Variants in ADCY9 observed in about 807,000 individuals in gnomAD.
The protein encoded by ADCY9 is adenylate cyclase type 9.
Under a neutral mutation model 101.5 loss-of-function variants are expected in ADCY9, and 50 were observed. That is an observed-to-expected ratio of 0.49 (90% CI 0.39 to 0.62). The LOEUF is 0.62. Ranked by LOEUF, ADCY9 falls within the 20% of genes least tolerant of loss-of-function variation. The pLI is 0.00. For synonymous variants in ADCY9, 905 were observed against 769.3 expected, an observed-to-expected ratio of 1.18 and a Z score of -2.92; for missense variants, 1,662 against 1,800.4, an observed-to-expected ratio of 0.92 and a Z score of 1.39.
chr16:3,999,871 A>G (rs2056317876), intron 3 of ADCY9, among the ~76,000 whole-genome samples: 1 of 152,360 alleles, frequency 6.6e-6, no homozygotes, highest in East Asian at 1.9e-4. Flanking sequence ...AATATATGGC[A>G]CAAAGCTATA....
intron 3 of ADCY9, among the ~76,000 whole-genome samples, chr16:4,004,272 A>AC (rs2056352159): frequency 6.6e-6 from 1 of 150,900 alleles, no homozygotes; most frequent in Non-Finnish European, 1.5e-5. Context: ...AAAAAAAAAA[A>AC]AGAAGCCAAC....
intron 3 of ADCY9, 122 bp downstream of exon 3, chr16:4,007,246 C>T (rs1391769757): frequency 5.0e-6 from 4 of 802,506 alleles, no homozygotes; most frequent in Non-Finnish European, 7.2e-6. Context: ...TCGTGAAAAC[C>T]AAATCGAAGG....
rs1310659602 is a variant in ADCY9 at position 3,977,558 on chromosome 16, A to G, written c.2752T>C (p.Trp918Arg). The change falls in exon 9 of 11, where the codon TGG becomes CGG. Residue 918 changes from tryptophan (W) to arginine (R), a missense_variant. Physicochemically the swap from Trp to Arg is moderately radical, Grantham distance 101. Transcript: ENST00000294016. ...HYCNFCQLSSWMRSSLATVVG... is the reference protein window; with the variant it reads ...HYCNFCQLSSRMRSSLATVVG... ...ACGGTGGCGAGGGAGGACCTCATCC[A>G]GGAGCTGAGCTGGCAGAAGTTACAG... is the stretch of plus-strand genomic sequence containing the variant. 3 of 1,609,176 alleles carry G rather than the reference A, an allele frequency of 1.9e-6. No homozygotes were observed. In the African/African-American group the frequency reaches 4.0e-5, roughly 21 times the overall value.
At chr16:4,090,299 G>A (rs1024884276) in intron 2 of ADCY9, among the ~76,000 whole-genome samples, 1 of 152,096 alleles carries the variant, frequency 6.6e-6, no homozygotes, top group Non-Finnish European at 1.5e-5. Context: ...AGGATGAACA[G>A]ATTTTTTTTC....
At chr16:4,110,611 A>G (rs1388097770) in intron 2 of ADCY9, among the ~76,000 whole-genome samples, 1 of 152,124 alleles carries the variant, frequency 6.6e-6, no homozygotes, top group Non-Finnish European at 1.5e-5. Flanking sequence ...ACTGGTCTCC[A>G]ACTCATGACC....
intron 2 of ADCY9, among the ~76,000 whole-genome samples, chr16:4,088,228 C>T (rs1401628757): frequency 6.6e-6 from 1 of 152,060 alleles, no homozygotes; most frequent in Admixed American, 6.6e-5. Flanking sequence ...GTCTCATGGT[C>T]AGCATGAATC....
rs2055997328 is a variant in ADCY9 at position 3,966,491 on chromosome 16, C to A, written c.3346G>T (p.Ala1116Ser). 1 of 1,614,050 alleles carries A rather than the reference C, an allele frequency of 6.2e-7. No individual in the cohort carries two copies. Among genetic ancestry groups the A allele is most frequent in the Admixed American group, 1.7e-5 (1 of 59,998 alleles). The change falls in exon 11 of 11, where the codon GCG becomes TCG. Residue 1116 changes from alanine (A) to serine (S), a missense_variant. By Grantham distance (99) the Ala-to-Ser change is moderately conservative. Around this residue, in one of 5 missense-constraint regions of ADCY9, gnomAD observed 220 missense variants for 312.9 expected, o/e 0.70. Transcript: ENST00000294016. ...TGCGCGGTGTTCAGCCCTGACGCCG[C>A]CATGTACGTGGCTCCGATGGTCTTG... Reference protein sequence around the residue: ...KIKTIGATYMAASGLNTAQAQ... With the variant: ...KIKTIGATYMSASGLNTAQAQ...
chr16:4,114,236 A>G lies in ADCY9; in HGVS notation c.1207T>C (p.Phe403Leu). 1 of 1,613,968 alleles carries G rather than the reference A, an allele frequency of 6.2e-7. No homozygotes were observed. The highest frequency in any genetic ancestry group is 8.5e-7 in the Non-Finnish European group (1 of 1,180,036). The change falls in exon 2 of 11, where the codon TTC becomes CTC. Residue 403 changes from phenylalanine (F) to leucine (L), a missense_variant. Phe to Leu is a conservative substitution (Grantham distance 22, BLOSUM62 0). This residue lies in a region of ADCY9 where 228 missense variants were observed against 301.1 expected (regional missense o/e 0.76). Transcript: ENST00000294016. The surrounding 1 kb of genome is among the most constrained non-coding windows in gnomAD (Gnocchi z 4.3). ...GACTTGTTGGCACTCATCTTGGTGA[A>G]GCCCACGATATCTGCAAATAAAATA... Reference protein sequence around the residue: ...VSILFADIVGFTKMSANKSAH... With the variant: ...VSILFADIVGLTKMSANKSAH...
downstream of ADCY9, among the ~76,000 whole-genome samples, chr16:3,959,676 C>A (rs867019015): frequency 2.5e-4 from 38 of 152,148 alleles, no homozygotes; most frequent in African/African-American, 8.7e-4. Flanking sequence ...AGCAGCTCTT[C>A]AAATATATTT....
intron 2 of ADCY9, among the ~76,000 whole-genome samples, chr16:4,078,588 T>C (rs1044580362): frequency 1.2e-4 from 17 of 138,942 alleles, no homozygotes; most frequent in South Asian, 7.2e-4. Context: ...AACAAAAACA[T>C]AAAAGTATTA....
In ADCY9 at chr16:3,987,232, T is replaced by C. The variant is rs116738199; in HGVS notation, c.2310+1762A>G. ...GCACTCGCAGACCTCCAGCTCCGGA[T>C]GTTGTTTCTAATTCCTGCTCCCCAT... On this transcript the variant is annotated intron_variant, in intron 6 of 10. Coordinates refer to ENST00000294016, the MANE Select transcript of ADCY9 (RefSeq NM_001116.4). Among the ~76,000 whole-genome samples, 1,062 of 152,266 alleles carry C rather than the reference T, an allele frequency of 7.0e-3. 14 individuals carry two copies. Among genetic ancestry groups the C allele is most frequent in the African/African-American group, 0.025 (1,021 of 41,566 alleles).
chr16:3,983,092 G>A (rs2056157924), intron 7 of ADCY9, 140 bp downstream of exon 7: 2 of 800,274 alleles, frequency 2.5e-6, no homozygotes, highest in African/African-American at 1.7e-5. Flanking sequence ...GGCTCGGGGA[G>A]GACACGGGGA....
intron 10 of ADCY9, among the ~76,000 whole-genome samples, chr16:3,967,909 GCTGGTCTCAAACTC>G (rs1223634292): frequency 6.6e-6 from 1 of 151,846 alleles, no homozygotes; most frequent in African/African-American, 2.4e-5. Context: ...TGTTGGCCAG[GCTGGTCTCAAACTC>G]CTGATCTCAA....
rs565530412 is a variant in ADCY9 at position 4,113,834 on chromosome 16, T to C, written c.1609A>G (p.Lys537Glu). 3.3e-5 allele frequency: 53 copies of C among 1,614,182 alleles called. No homozygotes were observed. In the South Asian group the frequency reaches 5.7e-4, roughly 17 times the overall value. ...ATTTCGTACCGGTCATCTAAGTATT[T>C]TGCGGTGGCCTCAGAAATGTGAACT... ...GKVHISEATA[K>E]YLDDRYEMED... Residue 537 changes from lysine to glutamate, a missense_variant, in exon 2 of 11, where the codon AAA (lysine) becomes GAA (glutamate). Transcript: ENST00000294016.
intron 2 of ADCY9, among the ~76,000 whole-genome samples, chr16:4,109,313 T>G (rs1350978083): frequency 6.6e-6 from 1 of 152,202 alleles, no homozygotes; most frequent in Non-Finnish European, 1.5e-5. Flanking sequence ...CTCTGCAACC[T>G]CGACCTCGTG....
intron 2 of ADCY9, among the ~76,000 whole-genome samples, chr16:4,014,746 C>A (rs1412654222): frequency 2.0e-5 from 3 of 150,182 alleles, no homozygotes; most frequent in African/African-American, 7.4e-5. Context: ...CCACACCCAG[C>A]CAGAAAATAA....
In ADCY9 at chr16:4,041,530, A is replaced by AAG. The variant is rs1173372401; in HGVS notation, c.1694-33973_1694-33972insCT. ...CCAAAAAAAAAAAAAAAAAAAAAAG[A>AAG]GGCTCTTTCTAAACTTTTAAATCTA... is the stretch of plus-strand genomic sequence containing the variant. On this transcript the variant is annotated intron_variant, in intron 2 of 10. Coordinates refer to ENST00000294016, the MANE Select transcript of ADCY9 (RefSeq NM_001116.4). Among the ~76,000 whole-genome samples, 83 of 121,118 alleles carry AAG rather than the reference A, an allele frequency of 6.9e-4. 1 individual carries two copies. Among genetic ancestry groups the AAG allele is most frequent in the African/African-American group, 2.3e-3 (74 of 31,526 alleles). The allele number at this position is 121,118 out of a possible 152,430, so 79.5% of individuals were successfully genotyped here.
chr16:4,026,881 G>C (rs1204689252), intron 2 of ADCY9, among the ~76,000 whole-genome samples: 1 of 152,130 alleles, frequency 6.6e-6, no homozygotes, highest in African/African-American at 2.4e-5. Flanking sequence ...TTTTAGAACT[G>C]AATCAAAAGG....
chr16:4,114,545 C>T lies in ADCY9; in HGVS notation c.898G>A (p.Val300Ile), dbSNP rs182142664. The change falls in exon 2 of 11, where the codon GTC becomes ATC. Residue 300 changes from valine to isoleucine, a missense_variant. Physicochemically the swap from Val to Ile is conservative, Grantham distance 29 (BLOSUM62 3). This residue lies in a region of ADCY9 where 422 missense variants were observed against 392.0 expected (regional missense o/e 1.08). Transcript: ENST00000294016. This position sits in a 1 kb window ranked among gnomAD's most constrained non-coding sequence, Gnocchi z 4.3. The stretch of plus-strand genomic sequence containing the variant: ...CTCCTGGACCTCACCTGGGACATGA[C>T]GAACAGGTGGACCCCGATGGCGTGG... ...CIHAIGVHLFVMSQVRSRSTF... is the reference protein window; with the variant it reads ...CIHAIGVHLFIMSQVRSRSTF... The T allele has an allele frequency of 2.1e-5, 34 of 1,614,178 alleles. No individual in the cohort carries two copies. The highest frequency in any genetic ancestry group is 1.2e-4 in the Admixed American group (7 of 60,028).
Sources: gnomAD v4.1 joint callset for allele counts (sites outside exome capture counted in the v4.1 genomes callset) on GRCh38, gnomAD v4.1.1 for gene constraint, gnomAD v4.1.1 regional missense constraint, Gnocchi (gnomAD v3.1) non-coding constraint, MANE v1.5 for transcripts, NCBI Gene and HGNC (gene_info 2026-07-23, HGNC 2026-07-21) for gene names.